STARD10: variants seen among roughly 807,000 people sequenced by gnomAD.
STARD10 encodes START domain-containing protein 10.
Under a neutral mutation model 36.0 loss-of-function variants are expected in STARD10, and 24 were observed. The observed-to-expected ratio is 0.67, with a 90% confidence interval of 0.48 to 0.94. STARD10 has a LOEUF of 0.94. Ranked by LOEUF, STARD10 falls within the 40% of genes least tolerant of loss-of-function variation. STARD10 has a pLI of 0.00. For missense variants in STARD10, 335 were observed against 396.6 expected (o/e 0.84, Z 1.32); for synonymous variants, 156 against 161.9 (o/e 0.96, Z 0.28).
chr11:72,756,917 G>A (rs1405297280), intron 5 of STARD10, among the ~76,000 whole-genome samples: 1 of 152,074 alleles, frequency 6.6e-6, no homozygotes, highest in African/African-American at 2.4e-5. Flanking sequence ...AGGCCAAGGT[G>A]GGTGGATCAC....
At chr11:72,763,382 A>G (rs1184685686) in intron 2 of STARD10, among the ~76,000 whole-genome samples, 4 of 152,240 alleles carry the variant, frequency 2.6e-5, no homozygotes, top group Non-Finnish European at 5.9e-5. Flanking sequence ...TAGTCACTTC[A>G]TAGTAGAGAA....
Position 72,780,982 on chromosome 11 carries a change from T to C in STARD10, c.200A>G (p.Lys67Arg). ...QAVEMDRTLH[K>R]IKCRMECCDV... ...TATAGCGGGCAACCCTACCTTGATC[T>C]TGTGCAGCGTCCGATCCATCTCCAC... The change falls in exon 2 of 7, where the codon AAG (lysine) becomes AGG (arginine). Residue 67 changes from lysine (K) to arginine (R), a missense_variant. Lys to Arg is a conservative substitution (Grantham distance 26). Transcript: ENST00000334805. The C allele has an allele frequency of 6.2e-7, 1 of 1,614,130 alleles. No homozygotes were observed. Among genetic ancestry groups the C allele is most frequent in the Non-Finnish European group, 8.5e-7 (1 of 1,179,980 alleles).
At chr11:72,777,760 A>G (rs1299034888) in intron 2 of STARD10, among the ~76,000 whole-genome samples, 1 of 152,250 alleles carries the variant, frequency 6.6e-6, no homozygotes, top group East Asian at 1.9e-4. Flanking sequence ...CTTGAGCCAC[A>G]GTGGCTTCCA....
intron 2 of STARD10, among the ~76,000 whole-genome samples, chr11:72,767,512 C>G (rs1259149344): frequency 1.3e-5 from 2 of 152,154 alleles, no homozygotes; most frequent in African/African-American, 4.8e-5. Context: ...GGACTTTCTG[C>G]TACCTTCACC....
chr11:72,758,479 G>A (rs756349709), intron 4 of STARD10, 51 bp downstream of exon 4: 44 of 1,492,764 alleles, frequency 2.9e-5, no homozygotes, highest in Admixed American at 2.5e-4. Flanking sequence ...TCAGCCTTGC[G>A]CTGCCTGACC....
At chr11:72,759,723 G>C (rs747709498) in intron 2 of STARD10, among the ~76,000 whole-genome samples, 5 of 152,216 alleles carry the variant, frequency 3.3e-5, no homozygotes, top group Non-Finnish European at 7.3e-5. Context: ...CTCGTGGGCA[G>C]AGGCTCATGG....
intron 2 of STARD10, among the ~76,000 whole-genome samples, chr11:72,762,012 G>C (rs1347454685): frequency 7.6e-6 from 1 of 130,926 alleles, no homozygotes; most frequent in African/African-American, 2.9e-5. Flanking sequence ...CGCAACCTAC[G>C]CCTCCCGGGT....
chr11:72,777,029 C>T (rs1351317807), intron 2 of STARD10, among the ~76,000 whole-genome samples: 1 of 152,192 alleles, frequency 6.6e-6, no homozygotes, highest in Non-Finnish European at 1.5e-5. Context: ...AGCCACACCC[C>T]CTCCCACACC....
chr11:72,763,290 G>C (rs1236730635), intron 2 of STARD10, among the ~76,000 whole-genome samples: 1 of 152,170 alleles, frequency 6.6e-6, no homozygotes, highest in Non-Finnish European at 1.5e-5. Context: ...CAAGTAAATG[G>C]AATGTTTGAT....
At chr11:72,777,475 A>T (rs1858941669) in intron 2 of STARD10, among the ~76,000 whole-genome samples, 1 of 152,230 alleles carries the variant, frequency 6.6e-6, no homozygotes, top group South Asian at 2.1e-4. Context: ...CCCGTTTCTC[A>T]CACCAATACA....
chr11:72,790,205 G>T (rs1301384309), intron 1 of STARD10: 2 of 152,390 alleles, frequency 1.3e-5, no homozygotes, highest in African/African-American at 4.8e-5. Flanking sequence ...TTGGGAGCTG[G>T]CTCCAAGCAT....
At chr11:72,765,258 C>T (rs1858772288) in intron 2 of STARD10, among the ~76,000 whole-genome samples, 1 of 152,148 alleles carries the variant, frequency 6.6e-6, no homozygotes, top group African/African-American at 2.4e-5. Context: ...AACAGCAAAA[C>T]TCTGTCTCAA....
chr11:72,783,575 G>A (rs1409549775), intron 1 of STARD10: 1 of 153,100 alleles, frequency 6.5e-6, no homozygotes, highest in East Asian at 1.9e-4. Flanking sequence ...CTCAGGCAGT[G>A]TGGGTATCAG....
At chr11:72,775,362 CT>C (rs1858917039) in intron 2 of STARD10, among the ~76,000 whole-genome samples, 1 of 152,146 alleles carries the variant, frequency 6.6e-6, no homozygotes, top group African/African-American at 2.4e-5. Context: ...AAACCTTCCC[CT>C]GGCACCCCAG....
At chr11:72,759,445 G>A in intron 2 of STARD10, 64 bp from the exon 3 acceptor site, 1 of 1,593,316 alleles carries the variant, frequency 6.3e-7, no homozygotes, top group South Asian at 1.1e-5. Context: ...CAGGGGACCA[G>A]AAGGCAGACA....
At chr11:72,778,077 GGGCCTC>G (rs1379807423) in intron 2 of STARD10, among the ~76,000 whole-genome samples, 1 of 152,242 alleles carries the variant, frequency 6.6e-6, no homozygotes, top group East Asian at 1.9e-4. Flanking sequence ...TCCCCTTTGT[GGGCCTC>G]GGCTTTCTCA....
At chr11:72,763,446 G>A (rs575389376) in intron 2 of STARD10, among the ~76,000 whole-genome samples, 13 of 152,268 alleles carry the variant, frequency 8.5e-5, no homozygotes, top group African/African-American at 3.1e-4. Context: ...ATTAATCACA[G>A]GACAAGTTGC....
intron 1 of STARD10, among the ~76,000 whole-genome samples, chr11:72,791,494 G>A (rs1859142757): frequency 6.6e-6 from 1 of 152,070 alleles, no homozygotes; most frequent in Non-Finnish European, 1.5e-5. Context: ...CTGAGGTCAG[G>A]AGTTTGAGAC....
Position 72,793,038 on chromosome 11 carries a change from C to T in STARD10, c.-277G>A, listed in dbSNP as rs1188946997. The T allele has an allele frequency of 6.6e-6, 1 of 152,458 alleles. No homozygotes were observed. The highest frequency in any genetic ancestry group is 2.4e-5 in the African/African-American group (1 of 41,458). 9.4% of individuals were successfully genotyped at this position (152,458 alleles called of 1,614,324 possible). ...AGAAGAATTGGGAACAGGGACTCCC[C>T]TAGGTTCTCAGGGTACAGTCAGTCA... On this transcript the variant is annotated 5_prime_UTR_variant, in exon 1 of 7. Transcript: ENST00000334805.
Sources: allele counts gnomAD v4.1 joint callset (sites outside exome capture counted in the v4.1 genomes callset), GRCh38; gene constraint gnomAD v4.1.1; transcripts MANE v1.5; gene names NCBI Gene and HGNC (gene_info 2026-07-23, HGNC 2026-07-21).